EGLN1: variants seen among roughly 807,000 people sequenced by gnomAD.
EGLN1 encodes the protein egl-9 family hypoxia inducible factor 1, also known as egl nine homolog 1.
Under a neutral mutation model 38.3 loss-of-function variants are expected in EGLN1, and 17 were observed. The observed-to-expected ratio is 0.44, with a 90% CI of 0.30 to 0.67. EGLN1 has a LOEUF of 0.67. Among genes scored for constraint, EGLN1 ranks in the 30% least tolerant of loss-of-function variants. EGLN1 has a pLI of 0.08. For synonymous variants in EGLN1, 283 were observed against 257.5 expected, an observed-to-expected ratio of 1.10 and a Z score of -0.95; for missense variants, 477 against 603.3, an observed-to-expected ratio of 0.79 and a Z score of 2.19.
chr1:231,421,538 C>A lies in EGLN1; in HGVS notation c.351G>T (p.Pro117=). 1 of 1,297,720 alleles carries A rather than the reference C, an allele frequency of 7.7e-7. No individual in the cohort carries two copies. Among genetic ancestry groups the A allele is most frequent in the Non-Finnish European group, 9.8e-7 (1 of 1,024,646 alleles). The allele number at this position is 1,297,720 out of a possible 1,614,324, so 80.4% of individuals were successfully genotyped here. A position where few individuals can be genotyped will look rare whatever the true frequency, so the allele number is the denominator to read the frequency against. The change falls in exon 1 of 5, where the codon CCG becomes CCT. Residue 117 remains proline (P), a synonymous_variant. Coordinates refer to ENST00000366641, the MANE Select transcript of EGLN1 (RefSeq NM_022051.3). The surrounding 1 kb of genome is among the most constrained non-coding windows in gnomAD (Gnocchi z 5.5). ...AAKGKVKAKP[P]ADPAAAASPC... is the part of the protein sequence containing the mutation. The stretch of plus-strand genomic sequence containing the variant: ...GCGACGCGGCCGCCGCTGGGTCGGC[C>A]GGGGGCTTGGCCTTTACTTTTCCCT...
At chr1:231,400,016 T>TG (rs1298665352) in intron 1 of EGLN1, among the ~76,000 whole-genome samples, 4 of 152,108 alleles carry the variant, frequency 2.6e-5, no homozygotes, top group Non-Finnish European at 5.9e-5. Flanking sequence ...TTAGAAGCCT[T>TG]GGGGAAAAAG....
intron 1 of EGLN1, among the ~76,000 whole-genome samples, chr1:231,416,081 G>A (rs1278854571): frequency 3.9e-5 from 6 of 152,044 alleles, no homozygotes; most frequent in East Asian, 1.9e-4. Context: ...TCAATCCCTC[G>A]ACCTTGTGAT....
At chr1:231,380,310 C>T (rs1482619956) in intron 1 of EGLN1, among the ~76,000 whole-genome samples, 1 of 122,284 alleles carries the variant, frequency 8.2e-6, no homozygotes, top group African/African-American at 2.9e-5. Context: ...AGCGAGACTC[C>T]GTCTCAAAAA....
At chr1:231,369,364 T>C (rs962499141) in intron 3 of EGLN1, among the ~76,000 whole-genome samples, 2 of 152,142 alleles carry the variant, frequency 1.3e-5, no homozygotes, top group Non-Finnish European at 2.9e-5. Flanking sequence ...TTTATTCATC[T>C]AAAAAGGACG....
chr1:231,372,660 A>G (rs1315777643), intron 2 of EGLN1, among the ~76,000 whole-genome samples: 4 of 152,230 alleles, frequency 2.6e-5, no homozygotes. Flanking sequence ...CAGAAAAACC[A>G]TGCTTGTTGA....
intron 1 of EGLN1, among the ~76,000 whole-genome samples, chr1:231,416,311 T>C (rs1458123922): frequency 6.6e-6 from 1 of 152,100 alleles, no homozygotes; most frequent in Admixed American, 6.5e-5. Context: ...GAATCCATTA[T>C]CTTTCAAAGT....
intron 2 of EGLN1, 73 bp from the exon 3 acceptor site, chr1:231,370,771 G>A (rs1687801350): frequency 3.9e-6 from 6 of 1,523,102 alleles, no homozygotes; most frequent in Non-Finnish European, 5.5e-6. Flanking sequence ...GGGAAAAAAA[G>A]AGACAATTTC....
chr1:231,370,526 T>C (rs1193153904), intron 3 of EGLN1, 36 bp downstream of exon 3: 4 of 1,611,446 alleles, frequency 2.5e-6, no homozygotes, highest in Non-Finnish European at 3.4e-6. Context: ...TGTCCTACCA[T>C]ACTCTAAACC....
At position 231,422,089 on chromosome 1, in the gene EGLN1, C is replaced by T; in HGVS notation, c.-201G>A. On this transcript the variant is annotated 5_prime_UTR_variant, in exon 1 of 5. Coordinates refer to ENST00000366641, the MANE Select transcript of EGLN1 (RefSeq NM_022051.3). ...CGAGTCCTAAGCTCCGGCGCAGCGC[C>T]GGCAGCCGCCTCAGCGCCTCATCGC... 3 of 441,064 alleles carry T rather than the reference C, an allele frequency of 6.8e-6. No homozygotes were observed. The highest frequency in any genetic ancestry group is 1.1e-5 in the Non-Finnish European group (3 of 264,800). 27.3% of individuals were successfully genotyped at this position (441,064 alleles called of 1,614,324 possible). A position where few individuals can be genotyped will look rare whatever the true frequency, so the allele number is the denominator to read the frequency against.
chr1:231,418,543 G>A (rs1371471374), intron 1 of EGLN1, among the ~76,000 whole-genome samples: 1 of 152,098 alleles, frequency 6.6e-6, no homozygotes, highest in Non-Finnish European at 1.5e-5. Context: ...ATGTAAATTA[G>A]GAATAACACT....
At chr1:231,392,706 T>TAC (rs1688423533) in intron 1 of EGLN1, among the ~76,000 whole-genome samples, 1 of 152,204 alleles carries the variant, frequency 6.6e-6, no homozygotes, top group Non-Finnish European at 1.5e-5. Context: ...TAGCACCTGG[T>TAC]ACCTAGTAAG....
intron 1 of EGLN1, among the ~76,000 whole-genome samples, chr1:231,381,627 T>C (rs1377159191): frequency 1.3e-5 from 2 of 152,216 alleles, no homozygotes; most frequent in Admixed American, 6.5e-5. Flanking sequence ...TCTAGAGATA[T>C]GTCATGATGC....
intron 1 of EGLN1, among the ~76,000 whole-genome samples, chr1:231,409,640 G>C (rs1312017158): frequency 6.6e-6 from 1 of 152,146 alleles, no homozygotes; most frequent in Non-Finnish European, 1.5e-5. Flanking sequence ...AGGTAGAAAT[G>C]TCTGTCAGTC....
intron 1 of EGLN1, 47 bp from the exon 2 acceptor site, chr1:231,374,146 AAGAG>A (rs746365107): frequency 2.1e-5 from 33 of 1,559,914 alleles, no homozygotes; most frequent in Non-Finnish European, 2.7e-5. Flanking sequence ...TATAAATAAA[AAGAG>A]AGAACAGCTA....
intron 4 of EGLN1, 137 bp from the exon 5 acceptor site, chr1:231,366,612 G>GTTTCACGCTTT (rs1200230628): frequency 1.1e-6 from 1 of 893,252 alleles, no homozygotes; most frequent in African/African-American, 1.7e-5. Context: ...TATCACGCTT[G>GTTTCACGCTTT]TACTTCCAAA....
intron 2 of EGLN1, among the ~76,000 whole-genome samples, chr1:231,372,557 A>C (rs1165867079): frequency 6.6e-6 from 1 of 152,224 alleles, no homozygotes; most frequent in Non-Finnish European, 1.5e-5. Flanking sequence ...CAATTTTTAA[A>C]TTTTAACTAA....
intron 1 of EGLN1, among the ~76,000 whole-genome samples, chr1:231,378,219 A>T (rs149766335): frequency 6.6e-6 from 1 of 152,146 alleles, no homozygotes; most frequent in South Asian, 2.1e-4. Flanking sequence ...GTTCATGATT[A>T]TAATTGTAAA....
At chr1:231,415,198 A>G (rs1170542587) in intron 1 of EGLN1, among the ~76,000 whole-genome samples, 1 of 151,722 alleles carries the variant, frequency 6.6e-6, no homozygotes, top group East Asian at 2.0e-4. Flanking sequence ...GTTTGAGCCC[A>G]GGAGCTGGAG....
chr1:231,421,142 C>T lies in EGLN1; in HGVS notation c.747G>A (p.Lys249=). The T allele has an allele frequency of 1.2e-6, 2 of 1,614,202 alleles. No homozygotes were observed. Among genetic ancestry groups the T allele is most frequent in the Non-Finnish European group, 8.5e-7 (1 of 1,180,044 alleles). ...AGGTGATCTTATCGCCTCGGATGTCCTTGGACGAGTCACTCTTCTGGCTGA... is the reference window on the plus strand; with the variant it reads ...AGGTGATCTTATCGCCTCGGATGTCTTTGGACGAGTCACTCTTCTGGCTGA... The part of the protein sequence containing the change: ...QLVSQKSDSS[K]DIRGDKITWI... Residue 249 remains lysine (K), a synonymous_variant, in exon 1 of 5, where the codon AAG becomes AAA. Coordinates refer to ENST00000366641, the MANE Select transcript of EGLN1 (RefSeq NM_022051.3). The surrounding 1 kb of genome is among the most constrained non-coding windows in gnomAD (Gnocchi z 5.5).
Sources: gnomAD v4.1 joint callset for allele counts (sites outside exome capture counted in the v4.1 genomes callset) on GRCh38, gnomAD v4.1.1 for gene constraint, Gnocchi (gnomAD v3.1) non-coding constraint, MANE v1.5 for transcripts, NCBI Gene and HGNC (gene_info 2026-07-23, HGNC 2026-07-21) for gene names.